Variants in LIPJ observed in about 807,000 individuals in gnomAD.
LIPJ encodes the protein lipase family member J, also known as lipase member J.
Under a neutral mutation model 39.8 loss-of-function variants are expected in LIPJ, and 33 were observed. The observed-to-expected ratio is 0.83, with a 90% confidence interval of 0.63 to 1.11. The LOEUF (loss-of-function observed/expected upper bound fraction) is 1.11. Ranked by LOEUF, LIPJ falls within the 50% of genes least tolerant of loss-of-function variation. The pLI, the probability that LIPJ is intolerant of heterozygous loss-of-function variation, is 0.00. For synonymous variants in LIPJ, 128 were observed against 139.2 expected, an observed-to-expected ratio of 0.92 and a Z score of 0.57; for missense variants, 422 against 427.9, an observed-to-expected ratio of 0.99 and a Z score of 0.12.
exon 5 of LIPJ, chr10:88,593,946 C>T (rs750123595): frequency 1.2e-6 from 2 of 1,608,570 alleles, no homozygotes; most frequent in South Asian, 1.1e-5. Context: ...TTTTTCTCAG[C>T]TCAGAGGGTT....
At chr10:88,594,322 T>G (rs1437091999) in intron 5 of LIPJ, 178 bp downstream of exon 5, 1 of 582,920 alleles carries the variant, frequency 1.7e-6, no homozygotes, top group Non-Finnish European at 3.0e-6. Flanking sequence ...ATTTTGAGTT[T>G]GATTCTTACG....
chr10:88,599,059 A>T (rs77796506), intron 8 of LIPJ, among the ~76,000 whole-genome samples: 2,617 of 148,146 alleles, frequency 0.018, 62 homozygotes, highest in South Asian at 0.084. Flanking sequence ...AATACCTGAG[A>T]AGAATGTTTC....
chr10:88,603,930 C>A (rs1417650656), intron 9 of LIPJ, among the ~76,000 whole-genome samples: 2 of 152,036 alleles, frequency 1.3e-5, no homozygotes, highest in Admixed American at 6.6e-5. Context: ...ATTATTTAAC[C>A]ATTGTAACAA....
exon 3 of LIPJ, chr10:88,590,586 T>C: frequency 1.1e-6 from 1 of 890,218 alleles, no homozygotes. Context: ...TATATATAGG[T>C]CCCAAACGTG....
downstream of LIPJ, among the ~76,000 whole-genome samples, chr10:88,608,589 A>C (rs1851713853): frequency 6.6e-6 from 1 of 152,236 alleles, no homozygotes; most frequent in Non-Finnish European, 1.5e-5. Flanking sequence ...AATTTACCAC[A>C]TAAAGACTAA....
the LIPJ span, among the ~76,000 whole-genome samples, chr10:88,613,800 A>ATATATATATATATATATATATATGTGTG: frequency 8.1e-5 from 6 of 74,166 alleles, no homozygotes; most frequent in Admixed American, 1.7e-4. Context: ...ATATATATAT[A>ATATATATATATATATATATATATGTGTG]TGTGTGTGTG....
At chr10:88,594,712 C>T in exon 6 of LIPJ, 1 of 1,566,946 alleles carries the variant, frequency 6.4e-7, no homozygotes. Flanking sequence ...CTATTGATTT[C>T]ACTGTGAAGC....
the LIPJ span, among the ~76,000 whole-genome samples, chr10:88,614,476 G>C: frequency 6.6e-6 from 1 of 152,054 alleles, no homozygotes; most frequent in Non-Finnish European, 1.5e-5. Flanking sequence ...AGTAGCATCA[G>C]AAGTATGAAA....
the LIPJ span, among the ~76,000 whole-genome samples, chr10:88,616,201 A>C: frequency 2.0e-5 from 3 of 152,170 alleles, no homozygotes; most frequent in Non-Finnish European, 4.4e-5. Flanking sequence ...ATAAAACTAG[A>C]ATTTTATTTC....
Position 88,605,627 on chromosome 10 carries a change from T to C in LIPJ, c.796-6T>C, listed in dbSNP as rs761366175. On this transcript the variant is annotated splice_polypyrimidine_tract_variant and splice_region_variant and intron_variant, in intron 9 of 10. Coordinates refer to ENST00000371939, the Ensembl canonical transcript of LIPJ. ...GATATGGTCTTATTTTTTGTTTCTC[T>C]TTCAGCTTTTAAATTCTACTCATTT... 5 of 1,604,968 alleles carry C rather than the reference T, an allele frequency of 3.1e-6. No homozygotes were observed. Among genetic ancestry groups the C allele is most frequent in the Non-Finnish European group, 4.3e-6 (5 of 1,172,730 alleles).
At chr10:88,612,493 A>C in the LIPJ span, among the ~76,000 whole-genome samples, 1 of 152,172 alleles carries the variant, frequency 6.6e-6, no homozygotes, top group Non-Finnish European at 1.5e-5. Flanking sequence ...GACTCACCTA[A>C]CATAACACAT....
At chr10:88,622,385 C>T in the LIPJ span, among the ~76,000 whole-genome samples, 1 of 152,126 alleles carries the variant, frequency 6.6e-6, no homozygotes, top group Non-Finnish European at 1.5e-5. Context: ...AGAACCCCAC[C>T]TAAAGTACTG....
chr10:88,607,235 A>G (rs1358951777), downstream of LIPJ, among the ~76,000 whole-genome samples: 1 of 152,208 alleles, frequency 6.6e-6, no homozygotes, highest in Non-Finnish European at 1.5e-5. Flanking sequence ...GGAATTACAT[A>G]TATTATAAAA....
chr10:88,596,620 T>G (rs1165821221), intron 7 of LIPJ, among the ~76,000 whole-genome samples, 170 bp from the exon 8 acceptor site: 1 of 151,690 alleles, frequency 6.6e-6, no homozygotes, highest in African/African-American at 2.4e-5. Context: ...GAGAAGAAAT[T>G]CAGTGGCCAA....
At chr10:88,605,170 C>T (rs1339237790) in intron 9 of LIPJ, among the ~76,000 whole-genome samples, 1 of 152,068 alleles carries the variant, frequency 6.6e-6, no homozygotes, top group Non-Finnish European at 1.5e-5. Flanking sequence ...GTAACCTTGG[C>T]CAGAAAGTGG....
At chr10:88,613,770 GTATATA>G in the LIPJ span, among the ~76,000 whole-genome samples, 503 of 75,524 alleles carry the variant, frequency 6.7e-3, 7 homozygotes, top group Admixed American at 0.016. Flanking sequence ...ATGTGTGTGT[GTATATA>G]TATATATATA....
Position 88,587,272 on chromosome 10 carries a change from A to G in LIPJ, c.-224A>G, listed in dbSNP as rs1375709265. 6.6e-6 allele frequency: 1 copy of G among 152,036 alleles called. No homozygotes were observed. Among genetic ancestry groups the G allele is most frequent in the Non-Finnish European group, 1.5e-5 (1 of 67,934 alleles). 9.4% of individuals were successfully genotyped at this position (152,036 alleles called of 1,614,324 possible). ...TTTTATTTTTTCTTTTTAGTATAATATGCTTTTTCTTAGCTTTCCTATGAC... is the reference window on the plus strand; with the variant it reads ...TTTTATTTTTTCTTTTTAGTATAATGTGCTTTTTCTTAGCTTTCCTATGAC... On this transcript the variant is annotated 5_prime_UTR_variant, in exon 2 of 11. The change creates a new upstream start codon in the 5' untranslated region. Coordinates refer to ENST00000371939, the Ensembl canonical transcript of LIPJ.
chr10:88,621,541 G>A, the LIPJ span, among the ~76,000 whole-genome samples: 1 of 152,100 alleles, frequency 6.6e-6, no homozygotes, highest in Non-Finnish European at 1.5e-5. Context: ...GGGCAAAAGA[G>A]AATTTCTTGT....
At chr10:88,611,848 G>A (rs1285447437), downstream of LIPJ, among the ~76,000 whole-genome samples, 2 of 152,144 alleles carry the variant, frequency 1.3e-5, no homozygotes, top group Non-Finnish European at 2.9e-5. Context: ...ATATTTGGGG[G>A]AATAATCAAG....
Sources: gnomAD v4.1 joint callset for allele counts (sites outside exome capture counted in the v4.1 genomes callset) on GRCh38, gnomAD v4.1.1 for gene constraint, MANE v1.5 for transcripts, NCBI Gene and HGNC (gene_info 2026-07-23, HGNC 2026-07-21) for gene names.